TACC3: variants seen among roughly 807,000 people sequenced by gnomAD.
TACC3 encodes transforming acidic coiled-coil-containing protein 3.
TACC3 carries 52 observed loss-of-function variants against 86.0 expected under a neutral mutation model. The observed-to-expected ratio is 0.60, with a 90% confidence interval of 0.48 to 0.76. The LOEUF (loss-of-function observed/expected upper bound fraction) is 0.76. Ranked by LOEUF, TACC3 falls within the 30% of genes least tolerant of loss-of-function variation. TACC3 has a pLI of 0.00. For missense variants in TACC3, 1,120 were observed against 1,070.4 expected (o/e 1.05, Z -0.65); for synonymous variants, 512 against 430.0 (o/e 1.19, Z -2.36).
intron 1 of TACC3, among the ~76,000 whole-genome samples, chr4:1,722,363 G>T (rs755207312): frequency 6.6e-6 from 1 of 152,210 alleles, no homozygotes; most frequent in African/African-American, 2.4e-5. Context: ...CCTGTACCCA[G>T]TTATTCAGGG....
chr4:1,729,832 G>A (rs1159198223), intron 4 of TACC3, among the ~76,000 whole-genome samples: 1 of 152,050 alleles, frequency 6.6e-6, no homozygotes, highest in Non-Finnish European at 1.5e-5. Flanking sequence ...CTAATTAACG[G>A]GTGCCTTCCC....
upstream of TACC3, chr4:1,720,935 C>T: frequency 9.5e-7 from 1 of 1,053,588 alleles, no homozygotes. The surrounding 1 kb of genome is among the most constrained non-coding windows in gnomAD (Gnocchi z 4.4). Context: ...CGGCGGCCGC[C>T]GCCCGGCCGC....
At position 1,740,287 on chromosome 4, in the gene TACC3, G is replaced by A. The variant is rs546622187; in HGVS notation, c.2062+285G>A. 7 of 547,048 alleles carry A rather than the reference G, an allele frequency of 1.3e-5. No homozygotes were observed. In the Admixed American group the frequency reaches 1.3e-4, roughly 10 times the overall value. 33.9% of individuals were successfully genotyped at this position (547,048 alleles called of 1,614,324 possible). On this transcript the variant is annotated intron_variant, in intron 12 of 15. Coordinates refer to ENST00000313288, the MANE Select transcript of TACC3 (RefSeq NM_006342.3). ...CTGTGGTGGGAGCAGAGTCTGTCCC[G>A]CCGTGGCCTACCCCACTCCACCCTG...
intron 12 of TACC3, 71 bp from the exon 13 acceptor site, chr4:1,740,752 TTCC>T: frequency 7.1e-7 from 1 of 1,413,900 alleles, no homozygotes; most frequent in Non-Finnish European, 9.7e-7. Flanking sequence ...CCTTGCCTCA[TTCC>T]TTGGGCTGTC....
At chr4:1,720,970 GT>G, upstream of TACC3, 1 of 439,420 alleles carries the variant, frequency 2.3e-6, no homozygotes, top group Non-Finnish European at 3.8e-6. The surrounding 1 kb of genome is among the most constrained non-coding windows in gnomAD (Gnocchi z 4.4). Flanking sequence ...AGGACATGGA[GT>G]CCCGCCGCCC....
chr4:1,734,638 C>G (rs1269130299), intron 6 of TACC3, among the ~76,000 whole-genome samples: 2 of 152,148 alleles, frequency 1.3e-5, no homozygotes, highest in Non-Finnish European at 2.9e-5. Flanking sequence ...GGGTGTTGAT[C>G]CATTCTGAGT....
chr4:1,722,079 C>T lies in TACC3; in HGVS notation c.-2+436C>T, dbSNP rs1331088756. Reference sequence around the variant, plus strand: ...CTGCGGCGGACACCTGGGCCCCTACCGCTTCCCCGCACCTGCTGCGCCGCT... The same window carrying T: ...CTGCGGCGGACACCTGGGCCCCTACTGCTTCCCCGCACCTGCTGCGCCGCT... On this transcript the variant is annotated intron_variant, in intron 1 of 15. Transcript: ENST00000313288. Among the ~76,000 whole-genome samples, 7 of 152,316 alleles carry T rather than the reference C, an allele frequency of 4.6e-5. No individual in the cohort carries two copies. The East Asian group carries it at 1.4e-3, about 29-fold the overall frequency.
In TACC3 at chr4:1,737,468, C is replaced by T. The variant is rs1253304891; in HGVS notation, c.1837-130C>T. On this transcript the variant is annotated intron_variant, in intron 9 of 15. Coordinates refer to ENST00000313288, the MANE Select transcript of TACC3 (RefSeq NM_006342.3). ...ATGGGGCCGCTGTGCTGTTCCCTCG[C>T]CGCACTGTCTCGGGTCCCTCATGCA... is the stretch of plus-strand genomic sequence containing the variant. 3.6e-6 allele frequency: 4 copies of T among 1,108,820 alleles called. No homozygotes were observed. In the African/African-American group the frequency reaches 6.2e-5, roughly 17 times the overall value. The allele number at this position is 1,108,820 out of a possible 1,614,324, so 68.7% of individuals were successfully genotyped here.
intron 3 of TACC3, among the ~76,000 whole-genome samples, chr4:1,725,822 C>T (rs1049580270): frequency 2.6e-5 from 4 of 152,260 alleles, no homozygotes; most frequent in African/African-American, 9.6e-5. Flanking sequence ...AGAGCAGCCG[C>T]TGCGTGCAGC....
intron 4 of TACC3, chr4:1,730,326 C>T (rs999230211): frequency 9.0e-5 from 19 of 210,506 alleles, no homozygotes; most frequent in East Asian, 2.5e-4. Context: ...CGTGAGCCAC[C>T]GCACCCGGCG....
Position 1,727,762 on chromosome 4 carries a change from A to T in TACC3, c.360A>T (p.Lys120Asn), listed in dbSNP as rs763821917. 6.2e-7 allele frequency: 1 copy of T among 1,609,582 alleles called. No individual in the cohort carries two copies. The highest frequency in any genetic ancestry group is 1.1e-5 in the South Asian group (1 of 90,852). ...AAACTACTCATGGAATTCTACAGAA[A>T]CCAGTGGAGGCTGACACCGACCTCC... ...DAKTTHGILQ[K>N]PVEADTDLLG... is the part of the protein sequence containing the mutation. Residue 120 changes from lysine (K) to asparagine (N), a missense_variant, in exon 4 of 16, where the codon AAA (lysine) becomes AAT (asparagine). Coordinates refer to ENST00000313288, the MANE Select transcript of TACC3 (RefSeq NM_006342.3).
rs1308692408 is a variant in TACC3, at chr4:1,744,516, A to T, written c.2224-2A>T. The stretch of plus-strand genomic sequence containing the variant: ...CCACAGCTAATGCCTGCCCCTTCCT[A>T]GAACGAAGAGTCACTGAAGAAGTGC... On this transcript the variant is annotated splice_acceptor_variant, in intron 13 of 15. Coordinates refer to ENST00000313288, the MANE Select transcript of TACC3 (RefSeq NM_006342.3). LOFTEE classifies it high-confidence loss of function. The T allele has an allele frequency of 6.2e-7, 1 of 1,612,350 alleles. No homozygotes were observed. Among genetic ancestry groups the T allele is most frequent in the Non-Finnish European group, 8.5e-7 (1 of 1,179,472 alleles).
intron 4 of TACC3, chr4:1,730,338 T>G: frequency 4.7e-6 from 1 of 212,242 alleles, no homozygotes; most frequent in Non-Finnish European, 9.8e-6. Flanking sequence ...CACCCGGCGT[T>G]TCCTAGGTTA....
In TACC3 at chr4:1,731,157, T is replaced by A. The variant is rs1472708385; in HGVS notation, c.1462-15T>A. Reference sequence around the variant, plus strand: ...TTGACTGCACTGCACAGGGTGACTCTGCCCTTTCCTCCAGGAGAGAGCCTT... The same window carrying A: ...TTGACTGCACTGCACAGGGTGACTCAGCCCTTTCCTCCAGGAGAGAGCCTT... On this transcript the variant is annotated splice_polypyrimidine_tract_variant and intron_variant, in intron 5 of 15. Transcript: ENST00000313288. 1 of 1,613,106 alleles carries A rather than the reference T, an allele frequency of 6.2e-7. No homozygotes were observed. The highest frequency in any genetic ancestry group is 1.1e-5 in the South Asian group (1 of 91,084).
At chr4:1,744,451 G>C in intron 13 of TACC3, 67 bp from the exon 14 acceptor site, 1 of 1,464,618 alleles carries the variant, frequency 6.8e-7, no homozygotes, top group Non-Finnish European at 9.4e-7. Context: ...CAGGTCCCCA[G>C]ACACCAAGCC....
intron 3 of TACC3, among the ~76,000 whole-genome samples, chr4:1,725,792 A>G (rs1717654381): frequency 6.6e-6 from 1 of 152,204 alleles, no homozygotes; most frequent in Non-Finnish European, 1.5e-5. Flanking sequence ...TGGTGCTCCC[A>G]CGTCAGTGGG....
chr4:1,738,100 C>T (rs1718383767), intron 10 of TACC3: 5 of 355,396 alleles, frequency 1.4e-5, no homozygotes, highest in Non-Finnish European at 2.8e-5. Flanking sequence ...ACCCACCCCA[C>T]ATCTGAGGGT....
intron 3 of TACC3, among the ~76,000 whole-genome samples, chr4:1,727,372 TCCAGCA>T (rs1160139291): frequency 6.6e-6 from 1 of 152,044 alleles, no homozygotes; most frequent in Non-Finnish European, 1.5e-5. Flanking sequence ...GGAGTCTGGG[TCCAGCA>T]CCTGGCAAAG....
intron 13 of TACC3, chr4:1,741,245 C>T (rs980060908): frequency 5.7e-6 from 2 of 349,744 alleles, no homozygotes; most frequent in Middle Eastern, 7.7e-4. Flanking sequence ...ACAGACGACT[C>T]GGCTATGATC....
Sources: gnomAD v4.1 joint callset for allele counts (sites outside exome capture counted in the v4.1 genomes callset) on GRCh38, gnomAD v4.1.1 for gene constraint, Gnocchi (gnomAD v3.1) non-coding constraint, MANE v1.5 for transcripts, NCBI Gene and HGNC (gene_info 2026-07-23, HGNC 2026-07-21) for gene names.